Variants in DNAH10 observed in about 807,000 individuals in gnomAD.
DNAH10 encodes dynein axonemal heavy chain 10, also known as axonemal beta dynein heavy chain 10.
Under a neutral mutation model 506.6 loss-of-function variants are expected in DNAH10, and 348 were observed. The ratio of observed to expected loss-of-function variants is 0.69; its 90% CI spans 0.63 to 0.75. The LOEUF is 0.75. DNAH10 is among the 30% of genes least tolerant of loss of function. The pLI is 0.00. For missense variants in DNAH10, 5,179 were observed against 5,787.1 expected, an observed-to-expected ratio of 0.89 and a Z score of 3.41; for synonymous variants, 2,059 against 2,198.6, an observed-to-expected ratio of 0.94 and a Z score of 1.78.
At position 123,799,292 on chromosome 12, in the gene DNAH10, A is replaced by G; in HGVS notation, c.2210A>G (p.Glu737Gly). The change falls in exon 14 of 79, where the codon GAA becomes GGA. Residue 737 changes from glutamate to glycine, a missense_variant. By Grantham distance (98) the Glu-to-Gly change is moderately conservative. Around this residue, in one of 3 missense-constraint regions of DNAH10, gnomAD observed 4,844 missense variants for 5,430.5 expected, o/e 0.89. Transcript: ENST00000673944. ...GTAGGTAGGACAATGAAGGAGTATG[A>G]AGACAGAAAGTATGAGCAGTGGATG... is the stretch of plus-strand genomic sequence containing the variant. ...LEVGRTMKEY[E>G]DRKYEQWMEV... 1.2e-6 allele frequency: 2 copies of G among 1,613,940 alleles called. No individual in the cohort carries two copies. The highest frequency in any genetic ancestry group is 2.2e-5 in the South Asian group (2 of 91,074).
chr12:123,825,730 G>C (rs1959914270), intron 24 of DNAH10, among the ~76,000 whole-genome samples: 1 of 152,160 alleles, frequency 6.6e-6, no homozygotes, highest in South Asian at 2.1e-4. Flanking sequence ...TCTTGATTGT[G>C]GTGGTGCTTT....
intron 52 of DNAH10, among the ~76,000 whole-genome samples, chr12:123,890,021 G>A (rs754739306): frequency 1.3e-5 from 2 of 152,168 alleles, no homozygotes. Flanking sequence ...GAGAGCACGC[G>A]CTCCATCCCA....
intron 24 of DNAH10, among the ~76,000 whole-genome samples, chr12:123,823,371 AG>A (rs916267012): frequency 6.6e-6 from 1 of 152,190 alleles, no homozygotes; most frequent in Non-Finnish European, 1.5e-5. Flanking sequence ...GATTGCAGGC[AG>A]GGGGTCCTTT....
rs751242831 is a variant in DNAH10 at position 123,931,661 on chromosome 12, C to T, written c.12942C>T (p.Arg4314=). The change falls in exon 75 of 79, where the codon CGC becomes CGT. Residue 4314 remains arginine (R), a synonymous_variant. Transcript: ENST00000673944. ...GGGAATCCAGCAGTGGTATCAGCCG[C>T]GATGATTATATTGGCCAAGTGGCCA... is the stretch of plus-strand genomic sequence containing the variant. The part of the protein sequence containing the change: ...QTGESSSGIS[R]DDYIGQVAKE... 23 of 1,613,848 alleles carry T rather than the reference C, an allele frequency of 1.4e-5. No individual in the cohort carries two copies. The highest frequency in any genetic ancestry group is 6.7e-5 in the Admixed American group (4 of 60,012).
Position 123,853,678 on chromosome 12 carries a change from G to A in DNAH10, c.6438+326G>A, listed in dbSNP as rs1442446485. 1.3e-5 allele frequency among the ~76,000 whole-genome samples: 2 copies of A among 152,102 alleles called. No individual in the cohort carries two copies. The highest frequency in any genetic ancestry group is 3.9e-4 in the East Asian group (2 of 5,192). Reference sequence around the variant, plus strand: ...AATTCTCATGAAAGCATGAAGGTGAGTTGTTATTTTCTCTTTGAAACAAAA... The same window carrying A: ...AATTCTCATGAAAGCATGAAGGTGAATTGTTATTTTCTCTTTGAAACAAAA... On this transcript the variant is annotated intron_variant, in intron 36 of 78. Coordinates refer to ENST00000673944, the MANE Select transcript of DNAH10 (RefSeq NM_001372106.1). The surrounding 1 kb of genome is among the most constrained non-coding windows in gnomAD (Gnocchi z 4.7).
Position 123,899,018 on chromosome 12 carries a change from G to A in DNAH10, c.9640+204G>A, listed in dbSNP as rs565333604. 6.6e-5 allele frequency among the ~76,000 whole-genome samples: 10 copies of A among 152,256 alleles called. No homozygotes were observed. In the South Asian group the frequency reaches 2.1e-3, roughly 32 times the overall value. On this transcript the variant is annotated intron_variant, in intron 56 of 78. Transcript: ENST00000673944. The stretch of plus-strand genomic sequence containing the variant: ...TCTGAATTCGTGTCCAGCCAGTCTT[G>A]TCCCCTTTCATAAGCACTGAGAAGC...
At chr12:123,908,955 G>A (rs906964653) in intron 57 of DNAH10, among the ~76,000 whole-genome samples, 1 of 152,136 alleles carries the variant, frequency 6.6e-6, no homozygotes. Flanking sequence ...TAAAACATAG[G>A]TGCTCAGGCT....
In DNAH10 at chr12:123,933,466, A is replaced by T. The variant is rs202002888; in HGVS notation, c.13432A>T (p.Thr4478Ser). 26 of 1,612,090 alleles carry T rather than the reference A, an allele frequency of 1.6e-5. No homozygotes were observed. The East Asian group carries it at 5.6e-4, about 35-fold the overall frequency. The change falls in exon 77 of 79, where the codon ACC becomes TCC. Residue 4478 changes from threonine to serine, a missense_variant. By Grantham distance (58) the Thr-to-Ser change is moderately conservative (BLOSUM62 1). This residue lies in a region of DNAH10 where 4,844 missense variants were observed against 5,430.5 expected (regional missense o/e 0.89). Coordinates refer to ENST00000673944, the MANE Select transcript of DNAH10 (RefSeq NM_001372106.1). ...CCGCTCCACCTTGTTCACACAAGTGACCAAGTTCCAGGATGCAGATGAAGT... is the reference window on the plus strand; with the variant it reads ...CCGCTCCACCTTGTTCACACAAGTGTCCAAGTTCCAGGATGCAGATGAAGT... ...LDRSTLFTQV[T>S]KFQDADEVNE...
chr12:123,910,784 C>G, intron 59 of DNAH10, 112 bp downstream of exon 59: 1 of 1,371,568 alleles, frequency 7.3e-7, no homozygotes. Flanking sequence ...TGACTTCAAG[C>G]TGCATAAACT....
At chr12:123,900,582 T>C (rs1953474956) in intron 56 of DNAH10, among the ~76,000 whole-genome samples, 1 of 152,224 alleles carries the variant, frequency 6.6e-6, no homozygotes, top group African/African-American at 2.4e-5. Flanking sequence ...AGGGTCACCT[T>C]GCTCCCACTT....
At chr12:123,782,821 CTT>C (rs1863207775) in intron 6 of DNAH10, among the ~76,000 whole-genome samples, 1 of 152,116 alleles carries the variant, frequency 6.6e-6, no homozygotes, top group South Asian at 2.1e-4. Context: ...TCTGCTGGCT[CTT>C]TGTTCAAGTT....
chr12:123,762,362 TG>T lies in DNAH10; in HGVS notation c.27del (p.Met9IlefsTer97). The T allele has an allele frequency of 7.3e-7, 1 of 1,365,304 alleles. No homozygotes were observed. The highest frequency in any genetic ancestry group is 9.5e-7 in the Non-Finnish European group (1 of 1,056,284). The allele number at this position is 1,365,304 out of a possible 1,614,324, so 84.6% of individuals were successfully genotyped here. A position where few individuals can be genotyped will look rare whatever the true frequency, so the allele number is the denominator to read the frequency against. On this transcript the variant is annotated frameshift_variant, in exon 1 of 79. Transcript: ENST00000673944. LOFTEE classifies it high-confidence loss of function. The surrounding 1 kb of genome is among the most constrained non-coding windows in gnomAD (Gnocchi z 5.0). ...ATGGACGACCTGCGGGTGCTGTGGA[TG>T]CGCGACCGCGTGTATGCGGCTTTCG... MDDLRVLW[M>X]RDRVYAAFGI...
At chr12:123,796,856 G>T (rs367680124) in intron 13 of DNAH10, 24 bp downstream of exon 13, 24 of 1,561,164 alleles carry the variant, frequency 1.5e-5, no homozygotes, top group Non-Finnish European at 2.1e-5. Context: ...GCTAGAATTG[G>T]CTCCTTTTGT....
intron 54 of DNAH10, among the ~76,000 whole-genome samples, chr12:123,896,128 CACACACACACACACACACACAG>C (rs1195469178): frequency 5.2e-5 from 6 of 115,388 alleles, no homozygotes; most frequent in African/African-American, 2.2e-4. Flanking sequence ...CACACACACA[CACACACACACACACACACACAG>C]AGAGAGAGAG....
At position 123,926,567 on chromosome 12, in the gene DNAH10, T is replaced by A; in HGVS notation, c.11922-70T>A. On this transcript the variant is annotated intron_variant, in intron 68 of 78. Transcript: ENST00000673944. The surrounding 1 kb of genome is among the most constrained non-coding windows in gnomAD (Gnocchi z 4.1). ...TGGACACCGGAGGAGGCAGCGCTGA[T>A]CAGACAGACCAGCCCCTGGTCTGGA... is the stretch of plus-strand genomic sequence containing the variant. 6.5e-7 allele frequency: 1 copy of A among 1,538,108 alleles called. No homozygotes were observed.
At chr12:123,780,149 T>TTCTCTCTC (rs59003958) in intron 5 of DNAH10, among the ~76,000 whole-genome samples, 6 of 133,238 alleles carry the variant, frequency 4.5e-5, no homozygotes, top group African/African-American at 1.7e-4. Flanking sequence ...CCTCCCTCCT[T>TTCTCTCTC]TCTCTCTCTC....
intron 40 of DNAH10, 35 bp downstream of exon 40, chr12:123,864,765 TC>T: frequency 6.3e-7 from 1 of 1,574,866 alleles, no homozygotes; most frequent in Non-Finnish European, 8.6e-7. Flanking sequence ...TGAACATAAA[TC>T]TTTCTTGTAA....
intron 76 of DNAH10, among the ~76,000 whole-genome samples, chr12:123,933,015 T>C (rs1340832841): frequency 6.6e-6 from 1 of 152,240 alleles, no homozygotes; most frequent in Non-Finnish European, 1.5e-5. Context: ...TTTACATTTT[T>C]CCGTAGTCAA....
At chr12:123,915,766 A>G (rs1356468025) in intron 62 of DNAH10, among the ~76,000 whole-genome samples, 4 of 152,068 alleles carry the variant, frequency 2.6e-5, no homozygotes, top group Non-Finnish European at 5.9e-5. Context: ...TCATCCATCC[A>G]TTTGCTGAGG....
Sources: allele counts gnomAD v4.1 joint callset (sites outside exome capture counted in the v4.1 genomes callset), GRCh38; gene constraint gnomAD v4.1.1; regional missense constraint gnomAD v4.1.1; non-coding constraint Gnocchi (gnomAD v3.1); transcripts MANE v1.5; gene names NCBI Gene and HGNC (gene_info 2026-07-23, HGNC 2026-07-21).